Variants in ZNF724 observed in about 807,000 individuals in gnomAD.
The protein encoded by ZNF724 is zinc finger protein 724, also known as zinc finger protein 724 pseudogene.
Under a neutral mutation model 29.3 loss-of-function variants are expected in ZNF724, and 14 were observed. The ratio of observed to expected loss-of-function variants is 0.48; its 90% CI spans 0.32 to 0.75. The LOEUF is 0.75. ZNF724 is among the 30% of genes least tolerant of loss of function. The pLI, the probability that ZNF724 is intolerant of heterozygous loss-of-function variation, is 0.04. For synonymous variants in ZNF724, 180 were observed against 193.6 expected (o/e 0.93, Z 0.58); for missense variants, 557 against 571.2 (o/e 0.98, Z 0.25).
chr19:23,231,879 G>A (rs924386749), intron 2 of ZNF724, among the ~76,000 whole-genome samples: 12 of 151,974 alleles, frequency 7.9e-5, no homozygotes, highest in East Asian at 5.8e-4. Flanking sequence ...GACTACAGGC[G>A]TGCACCACTA....
chr19:23,223,263 G>T lies in ZNF724; in HGVS notation c.982C>A (p.His328Asn). The T allele has an allele frequency of 1.2e-6, 1 of 841,756 alleles. No homozygotes were observed. The highest frequency in any genetic ancestry group is 2.1e-6 in the Non-Finnish European group (1 of 482,682). The allele number at this position is 841,756 out of a possible 1,614,324, so 52.1% of individuals were successfully genotyped here. Reference sequence around the variant, plus strand: ...TTATCACCAGTATGAATTCTCTTATGTTTAGTAAGGTTCGAGGATTGGTTA... The same window carrying T: ...TTATCACCAGTATGAATTCTCTTATTTTTAGTAAGGTTCGAGGATTGGTTA... ...AFNQSSNLTK[H>N]KRIHTGDKPY... Residue 328 changes from histidine (H) to asparagine (N), a missense_variant, in exon 4 of 4, where the codon CAT becomes AAT. Around this residue, in one of 3 missense-constraint regions of ZNF724, gnomAD observed 362 missense variants for 295.5 expected, o/e 1.22. Transcript: ENST00000418100.
At chr19:23,234,808 G>A (rs772534351) in intron 1 of ZNF724, among the ~76,000 whole-genome samples, 1 of 152,150 alleles carries the variant, frequency 6.6e-6, no homozygotes, top group South Asian at 2.1e-4. Flanking sequence ...CCTTCCCTAT[G>A]TATTTTGATT....
At chr19:23,248,980 C>T (rs747497466) in intron 1 of ZNF724, among the ~76,000 whole-genome samples, 1 of 150,576 alleles carries the variant, frequency 6.6e-6, no homozygotes. Context: ...TGCAGGACTC[C>T]GTCTCAAAAA....
intron 1 of ZNF724, among the ~76,000 whole-genome samples, chr19:23,242,035 A>G (rs901554394): frequency 3.3e-5 from 5 of 152,206 alleles, no homozygotes; most frequent in African/African-American, 1.2e-4. Flanking sequence ...CAAAGTTTCA[A>G]AATACAAAAC....
intron 1 of ZNF724, among the ~76,000 whole-genome samples, chr19:23,246,474 G>C (rs968547123): frequency 1.3e-5 from 2 of 151,990 alleles, no homozygotes; most frequent in African/African-American, 4.8e-5. Flanking sequence ...GGCCAACCTG[G>C]TGAAACACTG....
At chr19:23,237,760 G>C (rs1430772582) in intron 1 of ZNF724, among the ~76,000 whole-genome samples, 1 of 146,402 alleles carries the variant, frequency 6.8e-6, no homozygotes, top group African/African-American at 2.5e-5. Context: ...TCACACAAAT[G>C]CAAGTTGTCT....
At chr19:23,248,558 GA>G (rs1280866140) in intron 1 of ZNF724, among the ~76,000 whole-genome samples, 1 of 146,148 alleles carries the variant, frequency 6.8e-6, no homozygotes. Flanking sequence ...TTCTTGCTTT[GA>G]AAAAAAATCT....
chr19:23,240,435 C>T (rs1972100990), intron 1 of ZNF724, among the ~76,000 whole-genome samples: 1 of 151,968 alleles, frequency 6.6e-6, no homozygotes. Context: ...AAAAAGGAGA[C>T]AGTTTTAAAC....
chr19:23,233,357 A>G (rs1035486605), intron 1 of ZNF724, among the ~76,000 whole-genome samples: 2 of 152,184 alleles, frequency 1.3e-5, no homozygotes, highest in African/African-American at 2.4e-5. Flanking sequence ...TCTGAGTAAT[A>G]AATGCCATCC....
At chr19:23,241,080 C>T (rs1225762026) in intron 1 of ZNF724, among the ~76,000 whole-genome samples, 1 of 151,954 alleles carries the variant, frequency 6.6e-6, no homozygotes, top group African/African-American at 2.4e-5. Flanking sequence ...AGAGACATTA[C>T]CTCTGACCCC....
intron 1 of ZNF724, among the ~76,000 whole-genome samples, chr19:23,239,543 A>T (rs894008453): frequency 2.0e-5 from 3 of 152,208 alleles, no homozygotes; most frequent in Admixed American, 2.0e-4. Context: ...AAGATACACA[A>T]ACCAGAATCG....
chr19:23,230,098 T>A (rs896871754), intron 3 of ZNF724, among the ~76,000 whole-genome samples: 1 of 152,070 alleles, frequency 6.6e-6, no homozygotes, highest in Non-Finnish European at 1.5e-5. Context: ...AAACTTAAAC[T>A]ATCTGATAAA....
chr19:23,228,828 T>C (rs934667786), intron 3 of ZNF724, among the ~76,000 whole-genome samples: 2 of 149,978 alleles, frequency 1.3e-5, no homozygotes, highest in South Asian at 4.2e-4. Flanking sequence ...AGGAGGACGT[T>C]GCAGTGAGCT....
At position 23,222,250 on chromosome 19, in the gene ZNF724, T is replaced by G; in HGVS notation, c.*135A>C. The G allele has an allele frequency of 1.6e-6, 1 of 606,300 alleles. No individual in the cohort carries two copies. The highest frequency in any genetic ancestry group is 3.0e-5 in the Admixed American group (1 of 33,878). 37.6% of individuals were successfully genotyped at this position (606,300 alleles called of 1,614,324 possible). ...CAACTGCACTGTTATATCTTTCAGGTTTGTACGGTTTCTCTCCAGTAATTC... is the reference window on the plus strand; with the variant it reads ...CAACTGCACTGTTATATCTTTCAGGGTTGTACGGTTTCTCTCCAGTAATTC... On this transcript the variant is annotated 3_prime_UTR_variant, in exon 4 of 4. Coordinates refer to ENST00000418100, the MANE Select transcript of ZNF724 (RefSeq NM_001355404.2).
At chr19:23,235,005 T>C (rs1972001402) in intron 1 of ZNF724, among the ~76,000 whole-genome samples, 1 of 152,194 alleles carries the variant, frequency 6.6e-6, no homozygotes. Context: ...CAAATCTCCA[T>C]CTTTAAGTAT....
At chr19:23,244,923 T>G (rs1972210804) in intron 1 of ZNF724, among the ~76,000 whole-genome samples, 1 of 152,210 alleles carries the variant, frequency 6.6e-6, no homozygotes, top group Non-Finnish European at 1.5e-5. Context: ...ACCGGATTAT[T>G]ATAAAAGATA....
intron 1 of ZNF724, among the ~76,000 whole-genome samples, chr19:23,242,994 G>A (rs1303171114): frequency 2.3e-5 from 3 of 133,226 alleles, no homozygotes; most frequent in East Asian, 2.3e-4. Flanking sequence ...AGCCAAGATC[G>A]TGCCATTGCA....
intron 1 of ZNF724, among the ~76,000 whole-genome samples, chr19:23,238,666 G>A (rs1268901707): frequency 3.9e-5 from 6 of 152,172 alleles, no homozygotes; most frequent in Admixed American, 2.6e-4. Context: ...TGTAATCTCT[G>A]CACTCTACGA....
At chr19:23,225,326 C>T (rs1971807705) in intron 3 of ZNF724, among the ~76,000 whole-genome samples, 1 of 152,150 alleles carries the variant, frequency 6.6e-6, no homozygotes, top group African/African-American at 2.4e-5. Flanking sequence ...AAATCGTGGC[C>T]GTGCATAGTG....
Sources: allele counts gnomAD v4.1 joint callset (sites outside exome capture counted in the v4.1 genomes callset), GRCh38; gene constraint gnomAD v4.1.1; regional missense constraint gnomAD v4.1.1; transcripts MANE v1.5; gene names NCBI Gene and HGNC (gene_info 2026-07-23, HGNC 2026-07-21).